CERK: variants seen among roughly 807,000 people sequenced by gnomAD.
CERK encodes ceramide kinase.
CERK carries 39 observed loss-of-function variants against 63.4 expected under a neutral mutation model. That is an observed-to-expected ratio of 0.61 (90% CI 0.48 to 0.80). CERK has a LOEUF of 0.80. CERK is among the 30% of genes least tolerant of loss of function. The pLI, the probability that CERK is intolerant of heterozygous loss-of-function variation, is 0.00. For missense variants in CERK, 670 were observed against 714.1 expected (o/e 0.94, Z 0.70); for synonymous variants, 302 against 280.0 (o/e 1.08, Z -0.78).
At chr22:46,701,110 G>A (rs1036049200) in intron 7 of CERK, among the ~76,000 whole-genome samples, 16 of 152,244 alleles carry the variant, frequency 1.1e-4, no homozygotes, top group Admixed American at 2.6e-4. Flanking sequence ...AGGAACAGGC[G>A]AAGGCACAAA....
chr22:46,724,038 C>T (rs1473201030), intron 1 of CERK, among the ~76,000 whole-genome samples: 1 of 152,122 alleles, frequency 6.6e-6, no homozygotes, highest in Non-Finnish European at 1.5e-5. Context: ...ACTTGCCTCT[C>T]TTGCCTCCCC....
chr22:46,723,643 G>C (rs1013132924), intron 1 of CERK, among the ~76,000 whole-genome samples: 1 of 151,860 alleles, frequency 6.6e-6, no homozygotes, highest in Non-Finnish European at 1.5e-5. Context: ...AGAAGAAGAA[G>C]AATATAGCTG....
At chr22:46,727,704 G>GGTC (rs1416484897) in intron 1 of CERK, among the ~76,000 whole-genome samples, 1 of 152,100 alleles carries the variant, frequency 6.6e-6, no homozygotes, top group Admixed American at 6.5e-5. Flanking sequence ...AGGGTGCTGT[G>GGTC]GTCCGCGTGC....
chr22:46,687,660 C>T (rs1486037198), intron 12 of CERK, among the ~76,000 whole-genome samples: 3 of 150,934 alleles, frequency 2.0e-5, no homozygotes, highest in Admixed American at 1.3e-4. Context: ...CGACTCAATG[C>T]GTGTAAGAGA....
In CERK at chr22:46,687,277, G is replaced by A. The variant is rs369687606; in HGVS notation, c.1542-71C>T. On this transcript the variant is annotated intron_variant, in intron 12 of 12. Transcript: ENST00000216264. ...CAAAGCTGGCCTGAGCCCCACTCCT[G>A]GACAGGGGCTGCAGTAAACCCCACG... 6.1e-5 allele frequency: 43 copies of A among 700,536 alleles called. No individual in the cohort carries two copies. The East Asian group carries it at 1.8e-3, about 30-fold the overall frequency. The allele number at this position is 700,536 out of a possible 1,614,324, so 43.4% of individuals were successfully genotyped here. A position where few individuals can be genotyped will look rare whatever the true frequency, so the allele number is the denominator to read the frequency against.
At chr22:46,698,763 C>T (rs937358583) in intron 8 of CERK, among the ~76,000 whole-genome samples, 2 of 151,164 alleles carry the variant, frequency 1.3e-5, no homozygotes, top group East Asian at 1.9e-4. Flanking sequence ...TAGCTGGTCA[C>T]GGTGGCATGT....
In CERK at chr22:46,714,580, T is replaced by G. The variant is rs1270904070; in HGVS notation, c.380-2287A>C. On this transcript the variant is annotated intron_variant, in intron 3 of 12. Coordinates refer to ENST00000216264, the MANE Select transcript of CERK (RefSeq NM_022766.6). This position sits in a 1 kb window ranked among gnomAD's most constrained non-coding sequence, Gnocchi z 4.4. ...GAGATACCAGAAGAAATAGAAAATC[T>G]GAATAGTCTGACAGCTAATAAAGAC... is the stretch of plus-strand genomic sequence containing the variant. 2.6e-5 allele frequency among the ~76,000 whole-genome samples: 4 copies of G among 152,176 alleles called. No homozygotes were observed. Among genetic ancestry groups the G allele is most frequent in the Non-Finnish European group, 4.4e-5 (3 of 68,020 alleles).
chr22:46,733,585 C>T lies in CERK; in HGVS notation c.142+4422G>A, dbSNP rs912636399. Reference sequence around the variant, plus strand: ...CTGGGATTACAGGTGTGAGCCACCACGCCCGGCCCTTATCTTTTTTTTTAA... The same window carrying T: ...CTGGGATTACAGGTGTGAGCCACCATGCCCGGCCCTTATCTTTTTTTTTAA... On this transcript the variant is annotated intron_variant, in intron 1 of 12. Transcript: ENST00000216264. 3.9e-5 allele frequency among the ~76,000 whole-genome samples: 6 copies of T among 152,036 alleles called. No homozygotes were observed. The East Asian group carries it at 5.8e-4, about 15-fold the overall frequency.
chr22:46,692,922 AAAG>A (rs1231962032), intron 10 of CERK, among the ~76,000 whole-genome samples: 10 of 149,214 alleles, frequency 6.7e-5, no homozygotes, highest in Non-Finnish European at 1.3e-4. Flanking sequence ...AAAAAAAAAA[AAAG>A]AAGAGAAAGA....
chr22:46,716,202 T>A (rs1197727081), intron 3 of CERK, among the ~76,000 whole-genome samples: 1 of 150,780 alleles, frequency 6.6e-6, no homozygotes, highest in African/African-American at 2.5e-5. Flanking sequence ...TTTTTTTTTT[T>A]TTTTTAAAGA....
chr22:46,700,550 A>G (rs2082778462), intron 7 of CERK, among the ~76,000 whole-genome samples: 3 of 152,186 alleles, frequency 2.0e-5, no homozygotes, highest in Non-Finnish European at 2.9e-5. Context: ...CTGTCTCTAC[A>G]AAAAACACAA....
chr22:46,695,195 A>G lies in CERK; in HGVS notation c.1049+15T>C, dbSNP rs115008707. On this transcript the variant is annotated intron_variant, in intron 9 of 12. Coordinates refer to ENST00000216264, the MANE Select transcript of CERK (RefSeq NM_022766.6). ...CCGTCATTTGCAAGAGAAACACACA[A>G]AGCAATGCACTTACCCTGCCCGGCA... The G allele has an allele frequency of 2.6e-4, 336 of 1,280,264 alleles. 1 individual carries two copies. The African/African-American group carries it at 4.4e-3, about 17-fold the overall frequency. The allele number at this position is 1,280,264 out of a possible 1,614,324, so 79.3% of individuals were successfully genotyped here.
At chr22:46,695,159 T>G (rs749983775) in intron 9 of CERK, 51 bp downstream of exon 9, 1 of 974,878 alleles carries the variant, frequency 1.0e-6, no homozygotes, top group East Asian at 2.4e-5. Context: ...CTAACCGTCC[T>G]GCTTCATTTC....
intron 6 of CERK, among the ~76,000 whole-genome samples, chr22:46,704,679 G>C (rs2082804303): frequency 6.6e-6 from 1 of 152,182 alleles, no homozygotes; most frequent in South Asian, 2.1e-4. Context: ...ACAAAAATTA[G>C]CCGGGCACGG....
Position 46,712,312 on chromosome 22 carries a change from TA to T in CERK, c.380-20del. 6.2e-7 allele frequency: 1 copy of T among 1,609,822 alleles called. No individual in the cohort carries two copies. On this transcript the variant is annotated intron_variant, in intron 3 of 12. Coordinates refer to ENST00000216264, the MANE Select transcript of CERK (RefSeq NM_022766.6). ...CTGGACGCTGTAAGACAACAACATG[TA>T]AATAACAACGAAAATAACAAAATCA...
At chr22:46,704,845 G>T (rs1237979072) in intron 6 of CERK, among the ~76,000 whole-genome samples, 2 of 122,394 alleles carry the variant, frequency 1.6e-5, no homozygotes, top group Non-Finnish European at 1.7e-5. Flanking sequence ...AAAAAAAAAA[G>T]TGACAATGCC....
intron 1 of CERK, among the ~76,000 whole-genome samples, chr22:46,728,011 T>C (rs1230187478): frequency 6.6e-6 from 1 of 152,180 alleles, no homozygotes. Context: ...TTGCTTTTCC[T>C]GTTAAGCCAG....
intron 1 of CERK, among the ~76,000 whole-genome samples, chr22:46,735,882 A>T (rs1397433302): frequency 6.6e-6 from 1 of 152,258 alleles, no homozygotes; most frequent in Non-Finnish European, 1.5e-5. Flanking sequence ...GCTATGAGAA[A>T]AAAACTAGAG....
intron 6 of CERK, among the ~76,000 whole-genome samples, chr22:46,702,872 G>T (rs913204554): frequency 1.3e-5 from 2 of 152,244 alleles, no homozygotes; most frequent in African/African-American, 4.8e-5. Flanking sequence ...ACCTGTGGGA[G>T]TAGCTGTGCT....
Sources: allele counts gnomAD v4.1 joint callset (sites outside exome capture counted in the v4.1 genomes callset), GRCh38; gene constraint gnomAD v4.1.1; non-coding constraint Gnocchi (gnomAD v3.1); transcripts MANE v1.5; gene names NCBI Gene and HGNC (gene_info 2026-07-23, HGNC 2026-07-21).